The following NLGN1 variants were observed in gnomAD, a reference collection of about 807,000 sequenced individuals.
The protein encoded by NLGN1 is neuroligin-1.
NLGN1 carries 12 observed loss-of-function variants against 65.5 expected under a neutral mutation model. That is an observed-to-expected ratio of 0.18 (90% CI 0.12 to 0.30). NLGN1 has a LOEUF of 0.30. Among genes scored for constraint, NLGN1 ranks in the 10% least tolerant of loss-of-function variants. The pLI, the probability that NLGN1 is intolerant of heterozygous loss-of-function variation, is 1.00. For missense variants in NLGN1, 750 were observed against 1,007.1 expected, an observed-to-expected ratio of 0.74 and a Z score of 3.46; for synonymous variants, 350 against 359.5, an observed-to-expected ratio of 0.97 and a Z score of 0.30.
intron 1 of NLGN1, among the ~76,000 whole-genome samples, chr3:173,422,421 G>T (rs1388891558): frequency 6.6e-6 from 1 of 152,104 alleles, no homozygotes; most frequent in African/African-American, 2.4e-5. Context: ...TAGCTGCTAT[G>T]AATAGCACTA....
rs185331126 is a variant in NLGN1, at chr3:173,781,599, T to C, written c.494-26081T>C. On this transcript the variant is annotated intron_variant, in intron 3 of 6. Transcript: ENST00000457714. Reference sequence around the variant, plus strand: ...CTGAGGATAGGTTTGGTTGATCTCCTTGAAACGTATTGAATAGAGACATGG... The same window carrying C: ...CTGAGGATAGGTTTGGTTGATCTCCCTGAAACGTATTGAATAGAGACATGG... Among the ~76,000 whole-genome samples the C allele has an allele frequency of 8.5e-5, 13 of 152,308 alleles. No individual in the cohort carries two copies. In the East Asian group the frequency reaches 2.5e-3, roughly 29 times the overall value.
At chr3:173,497,069 C>A (rs894017124) in intron 2 of NLGN1, among the ~76,000 whole-genome samples, 3 of 151,922 alleles carry the variant, frequency 2.0e-5, no homozygotes, top group Non-Finnish European at 2.9e-5. Context: ...TTCTGACTTA[C>A]TTTGCCATTG....
At chr3:173,492,739 G>A (rs1048945818) in intron 2 of NLGN1, among the ~76,000 whole-genome samples, 1 of 151,766 alleles carries the variant, frequency 6.6e-6, no homozygotes, top group Non-Finnish European at 1.5e-5. Context: ...TACAAAAGTA[G>A]AATAGGTTGG....
At chr3:174,197,112 T>G (rs569488384) in intron 4 of NLGN1, among the ~76,000 whole-genome samples, 1 of 152,280 alleles carries the variant, frequency 6.6e-6, no homozygotes, top group Non-Finnish European at 1.5e-5. Context: ...TGTTGGGTGG[T>G]CCATGCCCAC....
intron 4 of NLGN1, among the ~76,000 whole-genome samples, chr3:174,230,573 A>G (rs1172922208): frequency 6.6e-6 from 1 of 152,216 alleles, no homozygotes; most frequent in Non-Finnish European, 1.5e-5. Context: ...TTTATGCACA[A>G]AAGTATTCAC....
chr3:173,806,265 C>T (rs139268905), intron 3 of NLGN1, among the ~76,000 whole-genome samples: 1,665 of 152,168 alleles, frequency 0.011, 40 homozygotes, highest in African/African-American at 0.038. Context: ...TTTATTATTA[C>T]GCTAGAGAAA....
intron 2 of NLGN1, among the ~76,000 whole-genome samples, chr3:173,467,681 A>G (rs886604325): frequency 2.0e-5 from 3 of 152,156 alleles, no homozygotes; most frequent in Non-Finnish European, 2.9e-5. Context: ...TGTATGGGGT[A>G]ACACCTAGAA....
At chr3:173,922,667 G>A (rs191508940) in intron 4 of NLGN1, among the ~76,000 whole-genome samples, 7 of 152,058 alleles carry the variant, frequency 4.6e-5, no homozygotes, top group African/African-American at 1.7e-4. Context: ...AAGATTTTTG[G>A]TAAGGATTAT....
intron 2 of NLGN1, among the ~76,000 whole-genome samples, chr3:173,546,972 G>A (rs1349286571): frequency 1.3e-5 from 2 of 152,016 alleles, no homozygotes; most frequent in Non-Finnish European, 2.9e-5. Flanking sequence ...AAATAATAAT[G>A]TGCCCTCTTA....
chr3:174,189,236 G>A (rs1731943389), intron 4 of NLGN1, among the ~76,000 whole-genome samples: 1 of 151,972 alleles, frequency 6.6e-6, no homozygotes, highest in Admixed American at 6.6e-5. Context: ...CTGAATGAAA[G>A]ACGCAGAGCA....
At chr3:173,584,019 T>TGCCTCAAA (rs1417484083) in intron 2 of NLGN1, among the ~76,000 whole-genome samples, 1 of 151,646 alleles carries the variant, frequency 6.6e-6, no homozygotes, top group Non-Finnish European at 1.5e-5. Context: ...ATCACCGAAT[T>TGCCTCAAA]GCCTCAAATT....
chr3:174,079,877 G>A (rs1378615504), intron 4 of NLGN1, among the ~76,000 whole-genome samples: 1 of 152,054 alleles, frequency 6.6e-6, no homozygotes, highest in Non-Finnish European at 1.5e-5. Flanking sequence ...ACACACTGGG[G>A]CCTATTGAAG....
At chr3:173,934,633 T>G (rs1213014111) in intron 4 of NLGN1, among the ~76,000 whole-genome samples, 1 of 151,976 alleles carries the variant, frequency 6.6e-6, no homozygotes, top group East Asian at 1.9e-4. Flanking sequence ...TCCCCTGATC[T>G]TTTACACCCT....
chr3:174,083,610 T>C (rs1378687088), intron 4 of NLGN1, among the ~76,000 whole-genome samples: 1 of 152,112 alleles, frequency 6.6e-6, no homozygotes, highest in Non-Finnish European at 1.5e-5. Context: ...GTAAACAATA[T>C]AGATTTTAAG....
chr3:173,658,745 G>A (rs756900351), intron 3 of NLGN1, among the ~76,000 whole-genome samples: 2 of 151,988 alleles, frequency 1.3e-5, no homozygotes, highest in Non-Finnish European at 2.9e-5. Context: ...GGGTATGTAG[G>A]CATGGTGTTG....
chr3:173,508,545 A>G (rs1223729518), intron 2 of NLGN1, among the ~76,000 whole-genome samples: 1 of 151,966 alleles, frequency 6.6e-6, no homozygotes, highest in African/African-American at 2.4e-5. Flanking sequence ...GTGCCAGGAG[A>G]AAATGGGTTG....
chr3:173,624,427 A>G (rs143310037), intron 3 of NLGN1, among the ~76,000 whole-genome samples: 89 of 152,198 alleles, frequency 5.8e-4, no homozygotes, highest in Non-Finnish European at 5.4e-4. Flanking sequence ...TGCCATCTTT[A>G]ATGTTTTCTT....
intron 1 of NLGN1, among the ~76,000 whole-genome samples, chr3:173,402,190 T>C (rs1717818081): frequency 6.6e-6 from 1 of 152,176 alleles, no homozygotes; most frequent in Admixed American, 6.5e-5. Context: ...TGTGTTAGCA[T>C]GGACTATAGT....
intron 3 of NLGN1, among the ~76,000 whole-genome samples, chr3:173,667,989 A>G (rs1273545461): frequency 6.6e-6 from 1 of 152,196 alleles, no homozygotes; most frequent in Non-Finnish European, 1.5e-5. Context: ...TTAATAATGT[A>G]TTATGTCTCA....
Sources: gnomAD v4.1 joint callset for allele counts (sites outside exome capture counted in the v4.1 genomes callset) on GRCh38, gnomAD v4.1.1 for gene constraint, MANE v1.5 for transcripts, NCBI Gene and HGNC (gene_info 2026-07-23, HGNC 2026-07-21) for gene names.